The following GLI3 variants were observed in gnomAD, a reference collection of about 807,000 sequenced individuals.
The protein encoded by GLI3 is transcription activator GLI3.
A neutral mutation model predicts 100.8 loss-of-function variants in GLI3; 20 were observed. That is an observed-to-expected ratio of 0.20 (90% confidence interval 0.14 to 0.29). GLI3 has a LOEUF of 0.29. GLI3 is among the 10% of genes least tolerant of loss of function. The probability of loss-of-function intolerance (pLI) is 1.00; values close to 1 mark genes in which losing one functional copy is unlikely to be tolerated. For missense variants in GLI3, 2,040 were observed against 2,128.5 expected (o/e 0.96, Z 0.82); for synonymous variants, 938 against 860.5 (o/e 1.09, Z -1.58).
intron 3 of GLI3, among the ~76,000 whole-genome samples, chr7:42,125,480 G>A (rs951399536): frequency 2.6e-5 from 4 of 152,200 alleles, no homozygotes; most frequent in Non-Finnish European, 5.9e-5. Flanking sequence ...GGCTCCAGCG[G>A]ACACCACTAC....
chr7:41,984,694 G>A (rs1373094439), intron 10 of GLI3, among the ~76,000 whole-genome samples: 1 of 152,200 alleles, frequency 6.6e-6, no homozygotes, highest in African/African-American at 2.4e-5. Context: ...ACAGTGGAGG[G>A]GGGAAACGCG....
intron 3 of GLI3, among the ~76,000 whole-genome samples, chr7:42,125,268 T>C (rs981003182): frequency 6.6e-6 from 1 of 152,096 alleles, no homozygotes; most frequent in East Asian, 1.9e-4. Context: ...GGTCCCTGTC[T>C]GGGCCCTTGG....
intron 1 of GLI3, among the ~76,000 whole-genome samples, chr7:42,225,735 A>C (rs928215404): frequency 3.3e-5 from 5 of 152,144 alleles, no homozygotes; most frequent in African/African-American, 1.2e-4. Flanking sequence ...TGACCTGATG[A>C]ACTAATGAAT....
intron 3 of GLI3, among the ~76,000 whole-genome samples, chr7:42,077,467 C>T (rs1161149378): frequency 1.3e-5 from 2 of 151,684 alleles, no homozygotes; most frequent in African/African-American, 4.9e-5. Context: ...TATGCCCTGT[C>T]CAGGGAAACA....
Position 42,174,914 on chromosome 7 carries a change from T to C in GLI3, c.125-26446A>G, listed in dbSNP as rs146572690. On this transcript the variant is annotated intron_variant, in intron 2 of 14. Coordinates refer to ENST00000395925, the MANE Select transcript of GLI3 (RefSeq NM_000168.6). ...GCTTGCCGGGAGGATTAAGTGAGGATGCGCAGGGGAAGTGTTCTATAGATG... is the reference window on the plus strand; with the variant it reads ...GCTTGCCGGGAGGATTAAGTGAGGACGCGCAGGGGAAGTGTTCTATAGATG... 3.6e-3 allele frequency among the ~76,000 whole-genome samples: 554 copies of C among 152,306 alleles called. 3 individuals are homozygous for C. The highest frequency in any genetic ancestry group is 0.012 in the African/African-American group (518 of 41,566).
intron 1 of GLI3, among the ~76,000 whole-genome samples, chr7:42,225,060 T>C (rs537902113): frequency 2.6e-5 from 4 of 152,226 alleles, no homozygotes; most frequent in Admixed American, 6.5e-5. Context: ...GGAGAAATCT[T>C]TGATGGTCCC....
At chr7:42,199,995 G>T (rs900808460) in intron 2 of GLI3, among the ~76,000 whole-genome samples, 1 of 152,184 alleles carries the variant, frequency 6.6e-6, no homozygotes, top group African/African-American at 2.4e-5. Flanking sequence ...GGCGGAGGTT[G>T]CAGTGAACTG....
chr7:42,154,473 T>C (rs1786954468), intron 2 of GLI3, among the ~76,000 whole-genome samples: 1 of 152,254 alleles, frequency 6.6e-6, no homozygotes, highest in Non-Finnish European at 1.5e-5. Context: ...ATTGCTTCGC[T>C]GTGTTTGCAA....
rs146368254 is a variant in GLI3, at chr7:42,199,931, C to T, written c.124+23199G>A. 5.7e-3 allele frequency among the ~76,000 whole-genome samples: 873 copies of T among 152,196 alleles called. 4 individuals carry two copies. Among genetic ancestry groups the T allele is most frequent in the African/African-American group, 0.02 (839 of 41,544 alleles). The stretch of plus-strand genomic sequence containing the variant: ...ATTAGCCAGGCATGGTGGTGGGCAC[C>T]TGCAGTCCCAGCTACTAGGGAGGCT... On this transcript the variant is annotated intron_variant, in intron 2 of 14. Coordinates refer to ENST00000395925, the MANE Select transcript of GLI3 (RefSeq NM_000168.6).
intron 10 of GLI3, among the ~76,000 whole-genome samples, chr7:41,995,189 T>C (rs1788091287): frequency 6.6e-6 from 1 of 152,236 alleles, no homozygotes. Flanking sequence ...AGGAGCATAG[T>C]TTGTTTAGCA....
chr7:42,193,793 G>A (rs1009643748), intron 2 of GLI3, among the ~76,000 whole-genome samples: 8 of 152,032 alleles, frequency 5.3e-5, no homozygotes, highest in African/African-American at 1.7e-4. Flanking sequence ...TCTTGATTAC[G>A]AAATATTCCA....
chr7:42,189,098 G>T (rs1160740022), intron 2 of GLI3, among the ~76,000 whole-genome samples: 1 of 152,098 alleles, frequency 6.6e-6, no homozygotes, highest in African/African-American at 2.4e-5. Flanking sequence ...TGTGGGGGCA[G>T]GAAGGCATAT....
At chr7:42,210,056 C>G (rs974589703) in intron 2 of GLI3, among the ~76,000 whole-genome samples, 2 of 140,760 alleles carry the variant, frequency 1.4e-5, no homozygotes, top group African/African-American at 5.2e-5. Context: ...TAAAATAATT[C>G]CAAAGGGGTT....
intron 2 of GLI3, among the ~76,000 whole-genome samples, chr7:42,192,424 G>A (rs962110909): frequency 4.0e-5 from 6 of 151,864 alleles, no homozygotes; most frequent in African/African-American, 4.8e-5. Context: ...AATAAAATAC[G>A]TAAGAACCAA....
intron 10 of GLI3, among the ~76,000 whole-genome samples, chr7:42,000,293 C>T (rs1788250128): frequency 6.6e-6 from 1 of 152,210 alleles, no homozygotes; most frequent in Non-Finnish European, 1.5e-5. Flanking sequence ...TCAATATAAA[C>T]TTTACGACTT....
intron 4 of GLI3, among the ~76,000 whole-genome samples, chr7:42,050,072 G>A (rs1195101806): frequency 1.3e-5 from 2 of 152,144 alleles, no homozygotes; most frequent in Middle Eastern, 3.2e-3. Flanking sequence ...TGAAATCAGA[G>A]ATCAGATAAT....
chr7:42,213,071 C>T (rs1392467685), intron 2 of GLI3, among the ~76,000 whole-genome samples: 1 of 152,218 alleles, frequency 6.6e-6, no homozygotes, highest in African/African-American at 2.4e-5. Context: ...CTGGGGCTGG[C>T]CCCAAATCCC....
rs79035083 is a variant in GLI3 at position 42,224,649 on chromosome 7, T to C, written c.-42-1354A>G. On this transcript the variant is annotated intron_variant, in intron 1 of 14. Transcript: ENST00000395925. ...GCACTAAGTTAAATTTACATATCAATTGTAAGATCCACTCCAAATTCAGAG... is the reference window on the plus strand; with the variant it reads ...GCACTAAGTTAAATTTACATATCAACTGTAAGATCCACTCCAAATTCAGAG... Among the ~76,000 whole-genome samples the C allele has an allele frequency of 8.8e-4, 134 of 152,370 alleles. 2 individuals are homozygous for C. In the East Asian group the frequency reaches 0.025, roughly 28 times the overall value.
intron 2 of GLI3, among the ~76,000 whole-genome samples, chr7:42,205,769 A>G (rs938674109): frequency 1.3e-5 from 2 of 152,218 alleles, no homozygotes; most frequent in African/African-American, 4.8e-5. Flanking sequence ...GTATTTTCTT[A>G]TAAGTGACAG....
Sources: gnomAD v4.1 joint callset for allele counts (sites outside exome capture counted in the v4.1 genomes callset) on GRCh38, gnomAD v4.1.1 for gene constraint, MANE v1.5 for transcripts, NCBI Gene and HGNC (gene_info 2026-07-23, HGNC 2026-07-21) for gene names.